SPAG16: variants seen among roughly 807,000 people sequenced by gnomAD.
SPAG16 encodes sperm associated antigen 16, also known as sperm-associated antigen 16 protein.
Under a neutral mutation model 80.4 loss-of-function variants are expected in SPAG16, and 86 were observed. That is an observed-to-expected ratio of 1.07 (90% CI 0.90 to 1.28). SPAG16 has a LOEUF of 1.28. SPAG16 is among the 50% of genes most tolerant of loss of function. The pLI, the probability that SPAG16 is intolerant of heterozygous loss-of-function variation, is 0.00. For missense variants in SPAG16, 870 were observed against 765.3 expected, an observed-to-expected ratio of 1.14 and a Z score of -1.61; for synonymous variants, 294 against 265.9, an observed-to-expected ratio of 1.11 and a Z score of -1.03.
intron 15 of SPAG16, among the ~76,000 whole-genome samples, chr2:214,176,575 G>T (rs973237721): frequency 2.0e-5 from 3 of 151,222 alleles, no homozygotes; most frequent in Admixed American, 6.6e-5. Flanking sequence ...ATTTTTAAAG[G>T]TAAGCTAACA....
rs968019210 is a variant in SPAG16 at position 213,339,033 on chromosome 2, AAAAAAG to A, written c.537-1125_537-1120del. ...CCTGTGCCCCAGAACTTAAAAAAAA[AAAAAAG>A]AAAAGAAGAAAGAAACTTGGAAGAA... On this transcript the variant is annotated intron_variant, in intron 5 of 15. Transcript: ENST00000331683. Among the ~76,000 whole-genome samples the A allele has an allele frequency of 5.9e-5, 9 of 152,258 alleles. No homozygotes were observed. In the East Asian group the frequency reaches 7.7e-4, roughly 13 times the overall value.
At position 214,241,553 on chromosome 2, in the gene SPAG16, A is replaced by G. The variant is rs548036221; in HGVS notation, c.1720+92287A>G. 1.1e-3 allele frequency among the ~76,000 whole-genome samples: 162 copies of G among 152,264 alleles called. 1 individual carries two copies. The highest frequency in any genetic ancestry group is 3.8e-3 in the African/African-American group (158 of 41,548). ...GTAAATATGGCTTTATTGTTTGACA[A>G]CATAAATTCCTTAGTGACGTTTTCA... On this transcript the variant is annotated intron_variant, in intron 15 of 15. Coordinates refer to ENST00000331683, the MANE Select transcript of SPAG16 (RefSeq NM_024532.5).
chr2:214,192,680 C>T (rs142790086), intron 15 of SPAG16, among the ~76,000 whole-genome samples: 2 of 151,848 alleles, frequency 1.3e-5, no homozygotes, highest in African/African-American at 4.8e-5. Flanking sequence ...TATTTTATGG[C>T]ATTTGGGATG....
intron 12 of SPAG16, among the ~76,000 whole-genome samples, chr2:213,956,626 T>G (rs1229079828): frequency 6.6e-6 from 1 of 151,884 alleles, no homozygotes; most frequent in Non-Finnish European, 1.5e-5. Context: ...TTTTGTATTT[T>G]TAGTAGAGAT....
chr2:214,341,956 CA>C (rs2126032293), intron 15 of SPAG16, among the ~76,000 whole-genome samples: 1 of 152,004 alleles, frequency 6.6e-6, no homozygotes, highest in Admixed American at 6.6e-5. Flanking sequence ...GCACCGTTAA[CA>C]GAAGACTACA....
Position 213,918,490 on chromosome 2 carries a change from GT to G in SPAG16, c.1215-11468del, listed in dbSNP as rs1450678392. 7.9e-5 allele frequency among the ~76,000 whole-genome samples: 12 copies of G among 152,242 alleles called. No individual in the cohort carries two copies. In the East Asian group the frequency reaches 2.3e-3, roughly 29 times the overall value. Reference sequence around the variant, plus strand: ...ATTATAGCTCCCATAATTTCCATGTGTTGTGGGAGGGACCTGGTGGGAGGTA... The same window carrying G: ...ATTATAGCTCCCATAATTTCCATGTGTGTGGGAGGGACCTGGTGGGAGGTA... On this transcript the variant is annotated intron_variant, in intron 11 of 15. Coordinates refer to ENST00000331683, the MANE Select transcript of SPAG16 (RefSeq NM_024532.5).
intron 13 of SPAG16, among the ~76,000 whole-genome samples, chr2:214,072,899 T>C (rs942675048): frequency 9.8e-5 from 15 of 152,306 alleles, no homozygotes; most frequent in African/African-American, 3.4e-4. Context: ...GATACTTGTA[T>C]TTCCAAAATA....
chr2:214,191,043 C>T (rs1414214089), intron 15 of SPAG16, among the ~76,000 whole-genome samples: 1 of 152,086 alleles, frequency 6.6e-6, no homozygotes, highest in Admixed American at 6.6e-5. Flanking sequence ...TCTGCCAAAT[C>T]AGGCTTACTA....
intron 15 of SPAG16, among the ~76,000 whole-genome samples, chr2:214,269,064 T>G (rs1576638125): frequency 1.3e-5 from 2 of 152,104 alleles, no homozygotes; most frequent in South Asian, 4.1e-4. Context: ...TGGGAAAAAT[T>G]TGCAGAGTTT....
At chr2:213,323,801 A>G (rs2063732502) in intron 5 of SPAG16, among the ~76,000 whole-genome samples, 1 of 152,206 alleles carries the variant, frequency 6.6e-6, no homozygotes, top group Non-Finnish European at 1.5e-5. Flanking sequence ...ATCCTTTAAA[A>G]AGAGGGAAAT....
chr2:213,296,129 G>T lies in SPAG16; in HGVS notation c.183+19G>T. The T allele has an allele frequency of 6.4e-7, 1 of 1,554,324 alleles. No individual in the cohort carries two copies. Among genetic ancestry groups the T allele is most frequent in the Non-Finnish European group, 8.8e-7 (1 of 1,130,010 alleles). On this transcript the variant is annotated intron_variant, in intron 2 of 15. Transcript: ENST00000331683. Reference sequence around the variant, plus strand: ...TGAAGAGGTAACATGTTAATTTTAGGTGTTTATTCTGTAAATTTATTGCAG... The same window carrying T: ...TGAAGAGGTAACATGTTAATTTTAGTTGTTTATTCTGTAAATTTATTGCAG...
At chr2:214,333,086 G>A (rs1213137456) in intron 15 of SPAG16, among the ~76,000 whole-genome samples, 2 of 152,186 alleles carry the variant, frequency 1.3e-5, no homozygotes, top group African/African-American at 4.8e-5. Flanking sequence ...AGGACCAAGT[G>A]AATGACTACT....
At chr2:214,183,030 C>T (rs955632612) in intron 15 of SPAG16, among the ~76,000 whole-genome samples, 3 of 151,812 alleles carry the variant, frequency 2.0e-5, no homozygotes, top group African/African-American at 7.3e-5. Context: ...TGACTCTAAC[C>T]ATTGGTTATT....
At chr2:213,338,790 C>CT (rs1199168872) in intron 5 of SPAG16, among the ~76,000 whole-genome samples, 1 of 152,148 alleles carries the variant, frequency 6.6e-6, no homozygotes, top group African/African-American at 2.4e-5. Flanking sequence ...CATGTTCTCA[C>CT]TTATAAGTGG....
intron 13 of SPAG16, among the ~76,000 whole-genome samples, chr2:214,020,227 C>T (rs1297225370): frequency 6.6e-6 from 1 of 152,144 alleles, no homozygotes; most frequent in African/African-American, 2.4e-5. Context: ...ATGCCCTTGG[C>T]CATTTCCATG....
At chr2:213,705,844 A>G (rs2065728758) in intron 10 of SPAG16, among the ~76,000 whole-genome samples, 1 of 152,108 alleles carries the variant, frequency 6.6e-6, no homozygotes, top group African/African-American at 2.4e-5. Context: ...GCAAGCTCCC[A>G]ATGAAACCAA....
At chr2:214,041,204 G>GT (rs1240141649) in intron 13 of SPAG16, among the ~76,000 whole-genome samples, 1 of 151,338 alleles carries the variant, frequency 6.6e-6, no homozygotes, top group Non-Finnish European at 1.5e-5. Flanking sequence ...TATGGTTTAA[G>GT]TTTTTTGTTC....
chr2:213,429,974 G>A (rs1296593530), intron 9 of SPAG16, among the ~76,000 whole-genome samples: 1 of 152,160 alleles, frequency 6.6e-6, no homozygotes, highest in African/African-American at 2.4e-5. Flanking sequence ...TAATTCTCTA[G>A]CGACATGTCC....
chr2:214,053,732 C>A (rs2049783906), intron 13 of SPAG16, among the ~76,000 whole-genome samples: 1 of 152,092 alleles, frequency 6.6e-6, no homozygotes, highest in Admixed American at 6.6e-5. Context: ...GAAACAGAGG[C>A]AGAAAGAAGT....
Sources: gnomAD v4.1 joint callset for allele counts (sites outside exome capture counted in the v4.1 genomes callset) on GRCh38, gnomAD v4.1.1 for gene constraint, MANE v1.5 for transcripts, NCBI Gene and HGNC (gene_info 2026-07-23, HGNC 2026-07-21) for gene names.